ENTREP2: variants seen among roughly 807,000 people sequenced by gnomAD.
The protein encoded by ENTREP2 is endosomal transmembrane epsin interactor 2, also known as protein ENTREP2.
the ENTREP2 span, among the ~76,000 whole-genome samples, chr15:29,476,818 G>A: frequency 5.3e-5 from 8 of 152,152 alleles, no homozygotes; most frequent in East Asian, 1.9e-4. Flanking sequence ...TGCTGCTGGC[G>A]GGAGCAGACA....
At chr15:29,223,635 C>T in the ENTREP2 span, among the ~76,000 whole-genome samples, 1 of 152,162 alleles carries the variant, frequency 6.6e-6, no homozygotes, top group African/African-American at 2.4e-5. Flanking sequence ...GGAGACCACA[C>T]TTCTTGCAGA....
chr15:29,237,138 T>G, the ENTREP2 span, among the ~76,000 whole-genome samples: 1 of 152,236 alleles, frequency 6.6e-6, no homozygotes, highest in Non-Finnish European at 1.5e-5. Flanking sequence ...TTATATTAAT[T>G]GACAAGGAAG....
the ENTREP2 span, among the ~76,000 whole-genome samples, chr15:29,334,405 CAGGG>C: frequency 1.6e-4 from 16 of 100,118 alleles, no homozygotes; most frequent in South Asian, 6.1e-3. Context: ...GAGCAGCAAG[CAGGG>C]CTTTCAAGGC....
the ENTREP2 span, among the ~76,000 whole-genome samples, chr15:29,136,745 A>T: frequency 6.6e-6 from 1 of 151,930 alleles, no homozygotes; most frequent in African/African-American, 2.4e-5. Context: ...ATAATCATAC[A>T]GCTGATTACA....
the ENTREP2 span, among the ~76,000 whole-genome samples, chr15:29,547,567 A>G: frequency 6.6e-6 from 1 of 152,226 alleles, no homozygotes; most frequent in African/African-American, 2.4e-5. Flanking sequence ...ATCATTAACA[A>G]CAACAATAAC....
the ENTREP2 span, among the ~76,000 whole-genome samples, chr15:29,143,565 G>A: frequency 5.9e-5 from 9 of 152,220 alleles, no homozygotes; most frequent in African/African-American, 1.4e-4. Context: ...GAGAAGGGCC[G>A]TGGGGGCTGG....
the ENTREP2 span, among the ~76,000 whole-genome samples, chr15:29,653,334 T>C: frequency 6.6e-6 from 1 of 152,254 alleles, no homozygotes; most frequent in Non-Finnish European, 1.5e-5. Context: ...TTCTTGCTTC[T>C]GTCTCTAACC....
chr15:29,465,935 C>T, the ENTREP2 span, among the ~76,000 whole-genome samples: 767 of 152,314 alleles, frequency 5.0e-3, 7 homozygotes, highest in African/African-American at 0.018. Context: ...TGAGATCTGG[C>T]ATTGCTGAAG....
chr15:29,568,774 A>T, the ENTREP2 span, among the ~76,000 whole-genome samples: 1 of 152,212 alleles, frequency 6.6e-6, no homozygotes, highest in African/African-American at 2.4e-5. Flanking sequence ...ACACTGCAAA[A>T]GCAAACTGAA....
At chr15:29,174,101 G>GT in the ENTREP2 span, among the ~76,000 whole-genome samples, 1 of 152,194 alleles carries the variant, frequency 6.6e-6, no homozygotes, top group Non-Finnish European at 1.5e-5. Flanking sequence ...AAGAGTACTT[G>GT]TTATGATTGC....
the ENTREP2 span, among the ~76,000 whole-genome samples, chr15:29,290,420 G>GT: frequency 6.6e-6 from 1 of 152,034 alleles, no homozygotes; most frequent in African/African-American, 2.4e-5. Context: ...CTATATTCAG[G>GT]TATCACCCCA....
the ENTREP2 span, among the ~76,000 whole-genome samples, chr15:29,362,009 A>G: frequency 3.9e-5 from 6 of 152,266 alleles, no homozygotes; most frequent in Middle Eastern, 3.4e-3. Flanking sequence ...CACATTAACC[A>G]ACAGACACGG....
At chr15:29,652,190 C>T in the ENTREP2 span, among the ~76,000 whole-genome samples, 1 of 152,170 alleles carries the variant, frequency 6.6e-6, no homozygotes, top group Admixed American at 6.5e-5. Context: ...CACTCCAGGT[C>T]CTCCTTTCTG....
the ENTREP2 span, among the ~76,000 whole-genome samples, chr15:29,543,404 T>C: frequency 1.8e-4 from 27 of 152,322 alleles, no homozygotes; most frequent in African/African-American, 6.0e-4. Context: ...CAAAGATACC[T>C]AGCAGAGAAA....
chr15:29,246,282 T>C, the ENTREP2 span, among the ~76,000 whole-genome samples: 2 of 149,038 alleles, frequency 1.3e-5, no homozygotes, highest in Admixed American at 6.8e-5. Flanking sequence ...TCCCAGCTAA[T>C]TGGGAGGCTG....
the ENTREP2 span, among the ~76,000 whole-genome samples, chr15:29,142,779 T>C: frequency 6.6e-6 from 1 of 152,126 alleles, no homozygotes. Context: ...TAGTAGATGA[T>C]ATTCCTGAGG....
At chr15:29,652,200 G>A in the ENTREP2 span, among the ~76,000 whole-genome samples, 1 of 152,164 alleles carries the variant, frequency 6.6e-6, no homozygotes, top group Non-Finnish European at 1.5e-5. Flanking sequence ...CCTCCTTTCT[G>A]CAAAGAGCTG....
chr15:29,133,840 C>G, the ENTREP2 span, among the ~76,000 whole-genome samples: 3 of 152,192 alleles, frequency 2.0e-5, no homozygotes, highest in Non-Finnish European at 4.4e-5. Context: ...CAGAATTCAA[C>G]CCACCACACC....
At chr15:29,573,421 G>C in the ENTREP2 span, among the ~76,000 whole-genome samples, 2 of 152,182 alleles carry the variant, frequency 1.3e-5, no homozygotes, top group South Asian at 2.1e-4. Context: ...AATCATAAGA[G>C]GTTCAGAGAA....
Sources: allele counts gnomAD v4.1 joint callset (sites outside exome capture counted in the v4.1 genomes callset), GRCh38; gene constraint gnomAD v4.1.1; transcripts MANE v1.5; gene names NCBI Gene and HGNC (gene_info 2026-07-23, HGNC 2026-07-21).